SLC2A2: variants seen among roughly 807,000 people sequenced by gnomAD.
The protein encoded by SLC2A2 is solute carrier family 2, facilitated glucose transporter member 2.
In SLC2A2, 36 loss-of-function variants were observed where a neutral mutation model predicts 54.5. The ratio of observed to expected loss-of-function variants is 0.66; its 90% confidence interval spans 0.51 to 0.87. SLC2A2 has a LOEUF of 0.87. Ranked by LOEUF, SLC2A2 falls within the 40% of genes least tolerant of loss-of-function variation. SLC2A2 has a pLI of 0.00. For missense variants in SLC2A2, 543 were observed against 624.3 expected (o/e 0.87, Z 1.39); for synonymous variants, 223 against 219.1 (o/e 1.02, Z -0.16).
chr3:171,026,685 G>A lies in SLC2A2; in HGVS notation c.-15C>T, dbSNP rs1365046819. ...TCTTCTGTCATTGTACTAGTTGGGA[G>A]TCCTGTCAATTCCAGGTCTTGTGTG... On this transcript the variant is annotated 5_prime_UTR_variant, in exon 1 of 11. Transcript: ENST00000314251. 2.5e-6 allele frequency: 4 copies of A among 1,612,044 alleles called. No individual in the cohort carries two copies. The highest frequency in any genetic ancestry group is 3.4e-6 in the Non-Finnish European group (4 of 1,178,056).
chr3:171,025,194 T>C (rs1034871740), intron 1 of SLC2A2, among the ~76,000 whole-genome samples: 2 of 152,012 alleles, frequency 1.3e-5, no homozygotes, highest in Non-Finnish European at 2.9e-5. Flanking sequence ...CATGATGTGC[T>C]AATTATTCTT....
At chr3:171,023,492 T>C (rs1173833860) in intron 1 of SLC2A2, among the ~76,000 whole-genome samples, 1 of 152,222 alleles carries the variant, frequency 6.6e-6, no homozygotes, top group East Asian at 1.9e-4. Flanking sequence ...CTAGACTTGG[T>C]CAAAGGAGGT....
At chr3:171,007,091 T>C (rs1715647971) in intron 5 of SLC2A2, 57 bp downstream of exon 5, 1 of 922,896 alleles carries the variant, frequency 1.1e-6, no homozygotes, top group African/African-American at 1.6e-5. Context: ...GTAGTAGTGG[T>C]ACTGTAGAGG....
At chr3:171,019,105 A>ATGTGTGTGTGTG (rs1346634510) in intron 1 of SLC2A2, among the ~76,000 whole-genome samples, 1 of 12,988 alleles carries the variant, frequency 7.7e-5, no homozygotes, top group African/African-American at 2.7e-4. Context: ...GTGTATATAT[A>ATGTGTGTGTGTG]TATATATATA....
chr3:171,007,428 T>G (rs1715666549), intron 4 of SLC2A2, 165 bp from the exon 5 acceptor site: 17 of 643,968 alleles, frequency 2.6e-5, no homozygotes, highest in South Asian at 2.4e-4. Flanking sequence ...CAGGAGATAT[T>G]TGATATGACC....
At position 171,010,048 on chromosome 3, in the gene SLC2A2, A is replaced by G; in HGVS notation, c.406T>C (p.Leu136=). 6 of 1,612,544 alleles carry G rather than the reference A, an allele frequency of 3.7e-6. No individual in the cohort carries two copies. Among genetic ancestry groups the G allele is most frequent in the Non-Finnish European group, 5.1e-6 (6 of 1,178,962 alleles). Residue 136 remains leucine (L), a synonymous_variant, in exon 4 of 11, where the codon TTA becomes CTA. Coordinates refer to ENST00000314251, the MANE Select transcript of SLC2A2 (RefSeq NM_000340.2). ...AACCCCATCAAGAGAGCTCCAACTA[A>G]TGACAGAATGTTTGCTACTAACATG... ...KAMLVANILS[L]VGALLMGFSK...
rs762632420 is a variant in SLC2A2, at chr3:171,007,138, G to T, written c.612+10C>A. ...GGGTGCAGTAGGGGATAAGGATGGG[G>T]AGTTTTTACCTGACTAATAAGAATG... On this transcript the variant is annotated intron_variant, in intron 5 of 10. Transcript: ENST00000314251. 4.8e-5 allele frequency: 73 copies of T among 1,513,426 alleles called. No homozygotes were observed. Among genetic ancestry groups the T allele is most frequent in the Admixed American group, 6.7e-5 (4 of 59,666 alleles). 93.7% of individuals were successfully genotyped at this position (1,513,426 alleles called of 1,614,324 possible). A position where few individuals can be genotyped will look rare whatever the true frequency, so the allele number is the denominator to read the frequency against.
intron 8 of SLC2A2, among the ~76,000 whole-genome samples, chr3:170,999,600 C>T (rs1224903297): frequency 6.6e-6 from 1 of 152,054 alleles, no homozygotes; most frequent in Non-Finnish European, 1.5e-5. Flanking sequence ...GTTATAATTA[C>T]AAGGGTCTGT....
chr3:171,020,502 G>C (rs1014039301), intron 1 of SLC2A2, among the ~76,000 whole-genome samples: 1 of 152,082 alleles, frequency 6.6e-6, no homozygotes, highest in African/African-American at 2.4e-5. Flanking sequence ...CTTCAAAGTT[G>C]ACCCAAAAGA....
At chr3:171,003,169 G>C (rs1345874802) in intron 7 of SLC2A2, among the ~76,000 whole-genome samples, 1 of 151,870 alleles carries the variant, frequency 6.6e-6, no homozygotes, top group Non-Finnish European at 1.5e-5. Context: ...TACTTGATGT[G>C]AATGGAACCA....
At chr3:171,000,982 A>C (rs1376204077) in intron 8 of SLC2A2, among the ~76,000 whole-genome samples, 4 of 152,076 alleles carry the variant, frequency 2.6e-5, no homozygotes. Flanking sequence ...TGGAGGCTTA[A>C]TTAATGATTT....
At chr3:171,017,497 G>T (rs13069849) in intron 2 of SLC2A2, among the ~76,000 whole-genome samples, 3,373 of 152,244 alleles carry the variant, frequency 0.022, 58 homozygotes, top group Middle Eastern at 0.082. Flanking sequence ...TTTCCTTGGG[G>T]CTCAATGTTC....
chr3:171,018,673 C>A, intron 1 of SLC2A2, 50 bp from the exon 2 acceptor site: 1 of 1,271,568 alleles, frequency 7.9e-7, no homozygotes, highest in Admixed American at 1.7e-5. Flanking sequence ...ATTTTAGTTT[C>A]CCATCTTTCT....
intron 7 of SLC2A2, among the ~76,000 whole-genome samples, chr3:171,004,600 T>C (rs903011661): frequency 1.3e-5 from 2 of 151,858 alleles, no homozygotes; most frequent in African/African-American, 4.8e-5. Context: ...TGTTTTTTTT[T>C]TTTTAATCTA....
intron 5 of SLC2A2, among the ~76,000 whole-genome samples, chr3:171,006,647 G>A (rs962685067): frequency 3.3e-5 from 5 of 151,978 alleles, no homozygotes; most frequent in Non-Finnish European, 7.4e-5. Context: ...ATTGTCGTAG[G>A]TGTGGGGTCC....
At chr3:171,020,927 CT>C (rs1716433156) in intron 1 of SLC2A2, among the ~76,000 whole-genome samples, 1 of 150,574 alleles carries the variant, frequency 6.6e-6, no homozygotes, top group Non-Finnish European at 1.5e-5. Flanking sequence ...TCATTTACAT[CT>C]GATATTTATC....
At chr3:171,005,683 A>G (rs1237064645) in intron 6 of SLC2A2, among the ~76,000 whole-genome samples, 3 of 152,040 alleles carry the variant, frequency 2.0e-5, no homozygotes, top group Middle Eastern at 3.2e-3. Flanking sequence ...AAATAAAACT[A>G]TGATCCTCAT....
At chr3:171,006,838 A>T (rs1043506818) in intron 5 of SLC2A2, among the ~76,000 whole-genome samples, 1 of 152,062 alleles carries the variant, frequency 6.6e-6, no homozygotes, top group Non-Finnish European at 1.5e-5. Context: ...TAACTCTAGA[A>T]TAGCTCTAAA....
chr3:171,007,384 G>A, intron 4 of SLC2A2, 121 bp from the exon 5 acceptor site: 1 of 703,372 alleles, frequency 1.4e-6, no homozygotes, highest in Non-Finnish European at 2.6e-6. Context: ...CTGGAAGGAT[G>A]AACCCTTGTT....
Sources: gnomAD v4.1 joint callset for allele counts (sites outside exome capture counted in the v4.1 genomes callset) on GRCh38, gnomAD v4.1.1 for gene constraint, MANE v1.5 for transcripts, NCBI Gene and HGNC (gene_info 2026-07-23, HGNC 2026-07-21) for gene names.